The following BRPF3 variants were observed in gnomAD, a reference collection of about 807,000 sequenced individuals.
The protein encoded by BRPF3 is bromodomain and PHD finger-containing protein 3.
A neutral mutation model predicts 102.0 loss-of-function variants in BRPF3; 18 were observed. The ratio of observed to expected loss-of-function variants is 0.18; its 90% CI spans 0.12 to 0.26. BRPF3 has a LOEUF of 0.26. Ranked by LOEUF, BRPF3 falls within the 10% of genes least tolerant of loss-of-function variation. The probability of loss-of-function intolerance (pLI) is 1.00; values close to 1 mark genes in which losing one functional copy is unlikely to be tolerated. For synonymous variants in BRPF3, 570 were observed against 614.2 expected, an observed-to-expected ratio of 0.93 and a Z score of 1.06; for missense variants, 1,147 against 1,567.8, an observed-to-expected ratio of 0.73 and a Z score of 4.53.
At chr6:36,198,561 A>G (rs1180658030) in intron 1 of BRPF3, among the ~76,000 whole-genome samples, 4 of 152,234 alleles carry the variant, frequency 2.6e-5, no homozygotes, top group African/African-American at 4.8e-5. Flanking sequence ...GCTTCTGTGT[A>G]GATGATAATA....
At chr6:36,215,139 A>G (rs375381682) in intron 8 of BRPF3, among the ~76,000 whole-genome samples, 1 of 151,650 alleles carries the variant, frequency 6.6e-6, no homozygotes, top group East Asian at 1.9e-4. Flanking sequence ...TTTTTTTGAG[A>G]TGAGTCTTGC....
rs899842134 is a variant in BRPF3 at position 36,214,175 on chromosome 6, C to G, written c.2778C>G (p.Arg926=). The G allele has an allele frequency of 6.2e-6, 10 of 1,614,044 alleles. No individual in the cohort carries two copies. In the Admixed American group the frequency reaches 8.3e-5, roughly 13 times the overall value. The part of the protein sequence containing the change: ...AGTPLSGVGR[R]TSVLFKKAKN... ...CCCCACTTAGTGGTGTGGGTCGCCG[C>G]ACATCAGTCCTCTTCAAGAAGGCCA... is the stretch of plus-strand genomic sequence containing the variant. Residue 926 remains arginine, a synonymous_variant, in exon 8 of 13, where the codon CGC becomes CGG. Transcript: ENST00000357641.
At chr6:36,215,896 C>T (rs1768312800) in intron 8 of BRPF3, among the ~76,000 whole-genome samples, 2 of 152,178 alleles carry the variant, frequency 1.3e-5, no homozygotes, top group South Asian at 4.1e-4. Flanking sequence ...TTGGCTTTTG[C>T]TCTTTGTGTC....
At position 36,230,402 on chromosome 6, in the gene BRPF3, C is replaced by T. The variant is rs199571004; in HGVS notation, c.3435-24C>T. On this transcript the variant is annotated intron_variant, in intron 12 of 12. Transcript: ENST00000357641. This position sits in a 1 kb window ranked among gnomAD's most constrained non-coding sequence, Gnocchi z 5.4. The stretch of plus-strand genomic sequence containing the variant: ...CCCTGTGAGACCCACTACTGCCCAG[C>T]CTCTTACTGTGCTTGCATTTCAGGC... The T allele has an allele frequency of 1.9e-6, 3 of 1,611,816 alleles. No individual in the cohort carries two copies. The African/African-American group carries it at 4.0e-5, about 21-fold the overall frequency.
chr6:36,217,122 C>T (rs564697918), intron 8 of BRPF3, among the ~76,000 whole-genome samples: 2 of 152,340 alleles, frequency 1.3e-5, no homozygotes, highest in Admixed American at 1.3e-4. Context: ...AAACAGCCTT[C>T]ATTCGCCTCT....
At chr6:36,228,032 C>G (rs1768803387) in intron 11 of BRPF3, among the ~76,000 whole-genome samples, 1 of 152,192 alleles carries the variant, frequency 6.6e-6, no homozygotes, top group Non-Finnish European at 1.5e-5. Flanking sequence ...GCTCTGGAAG[C>G]AGGGGCTGTG....
rs543367050 is a variant in BRPF3, at chr6:36,218,054, C to G, written c.3083+44C>G. 8.0e-6 allele frequency: 12 copies of G among 1,508,586 alleles called. No homozygotes were observed. The African/African-American group carries it at 1.4e-4, about 17-fold the overall frequency. The allele number at this position is 1,508,586 out of a possible 1,614,324, so 93.5% of individuals were successfully genotyped here. On this transcript the variant is annotated intron_variant, in intron 9 of 12. Transcript: ENST00000357641. ...AGCTTTGTCAGCAGCTCTGCTACCC[C>G]TCCTTTTACTCTCCATTCAGCTACA...
intron 3 of BRPF3, among the ~76,000 whole-genome samples, chr6:36,205,831 C>T (rs1205323551): frequency 3.3e-5 from 5 of 152,210 alleles, no homozygotes; most frequent in African/African-American, 1.2e-4. Flanking sequence ...TTTGTCTTGT[C>T]CTCATCCCTT....
intron 8 of BRPF3, among the ~76,000 whole-genome samples, chr6:36,215,551 C>T (rs1313914959): frequency 1.3e-5 from 2 of 152,202 alleles, no homozygotes; most frequent in Non-Finnish European, 2.9e-5. Context: ...AGAGAAATCA[C>T]AGTGGTGGAC....
chr6:36,223,856 G>A (rs923260341), intron 10 of BRPF3, among the ~76,000 whole-genome samples: 1 of 152,116 alleles, frequency 6.6e-6, no homozygotes, highest in Non-Finnish European at 1.5e-5. Context: ...ACTGGAACAG[G>A]TGGTTCATAC....
intron 12 of BRPF3, among the ~76,000 whole-genome samples, chr6:36,229,704 T>C (rs918611611): frequency 6.6e-6 from 1 of 152,230 alleles, no homozygotes; most frequent in Non-Finnish European, 1.5e-5. Context: ...TTAGCTTCTA[T>C]AGAGTGAGGA....
At position 36,209,972 on chromosome 6, in the gene BRPF3, A is replaced by G. The variant is rs1768042118; in HGVS notation, c.1866+57A>G. ...TCTTCTTGAACTGGAACAGGGTCTG[A>G]GTAGGCTAGGAAGGAGTTGGGCCAC... On this transcript the variant is annotated intron_variant, in intron 5 of 12. Transcript: ENST00000357641. 4 of 1,602,234 alleles carry G rather than the reference A, an allele frequency of 2.5e-6. No individual in the cohort carries two copies. In the Admixed American group the frequency reaches 6.8e-5, roughly 27 times the overall value.
Position 36,204,767 on chromosome 6 carries a change from A to G in BRPF3, c.1558A>G (p.Ile520Val). Residue 520 changes from isoleucine to valine, a missense_variant, in exon 3 of 13, where the codon ATC (isoleucine) becomes GTC (valine). Physicochemically the swap from Ile to Val is conservative, Grantham distance 29. Coordinates refer to ENST00000357641, the MANE Select transcript of BRPF3 (RefSeq NM_015695.3). ...GCAGGCACGGAATGGTGTCCCTCTT[A>G]TCCGGCGCTTGCACTCCCATCTGCA... The part of the protein sequence containing the change: ...KRQARNGVPL[I>V]RRLHSHLQSQ... The G allele has an allele frequency of 6.2e-7, 1 of 1,614,234 alleles. No individual in the cohort carries two copies. The highest frequency in any genetic ancestry group is 2.2e-5 in the East Asian group (1 of 44,882).
At chr6:36,225,415 G>A in intron 11 of BRPF3, 51 bp downstream of exon 11, 1 of 1,514,326 alleles carries the variant, frequency 6.6e-7, no homozygotes, top group Non-Finnish European at 9.1e-7. Context: ...TTGCCTTGGG[G>A]GCTAATCTGA....
chr6:36,213,329 A>G (rs1419884541), intron 7 of BRPF3, among the ~76,000 whole-genome samples: 1 of 152,244 alleles, frequency 6.6e-6, no homozygotes, highest in African/African-American at 2.4e-5. Context: ...TAGGCATTGG[A>G]ATTTTTAAGA....
chr6:36,229,900 G>T (rs1768876868), intron 12 of BRPF3, among the ~76,000 whole-genome samples: 1 of 152,196 alleles, frequency 6.6e-6, no homozygotes, highest in Admixed American at 6.5e-5. Context: ...CCTGTAGCCA[G>T]AACTAAGATA....
intron 10 of BRPF3, 36 bp downstream of exon 10, chr6:36,222,301 A>G (rs1224783066): frequency 1.3e-6 from 2 of 1,532,474 alleles, no homozygotes; most frequent in Admixed American, 2.0e-5. Context: ...TGAGGGGGCC[A>G]GGCCTTCTGA....
chr6:36,202,410 ACC>A (rs773009912), intron 2 of BRPF3, among the ~76,000 whole-genome samples: 70 of 102,286 alleles, frequency 6.8e-4, no homozygotes, highest in African/African-American at 2.3e-3. Context: ...AGCTCTGTGG[ACC>A]CCCCCCCCCT....
At chr6:36,197,159 G>C (rs1203146960) in intron 1 of BRPF3, 189 bp downstream of exon 1, 1 of 152,630 alleles carries the variant, frequency 6.6e-6, no homozygotes, top group Non-Finnish European at 1.5e-5. Context: ...CGGGGGAGCT[G>C]AGAAGCGAGG....
Sources: allele counts gnomAD v4.1 joint callset (sites outside exome capture counted in the v4.1 genomes callset), GRCh38; gene constraint gnomAD v4.1.1; non-coding constraint Gnocchi (gnomAD v3.1); transcripts MANE v1.5; gene names NCBI Gene and HGNC (gene_info 2026-07-23, HGNC 2026-07-21).